The following CMTM1 variants were observed in gnomAD, a reference collection of about 807,000 sequenced individuals.
CMTM1 encodes CKLF-like MARVEL transmembrane domain-containing protein 1.
Under a neutral mutation model 17.8 loss-of-function variants are expected in CMTM1, and 16 were observed. The ratio of observed to expected loss-of-function variants is 0.90; its 90% CI spans 0.61 to 1.37. The LOEUF (loss-of-function observed/expected upper bound fraction) is 1.37. CMTM1 is among the 40% of genes most tolerant of loss of function. The pLI, the probability that CMTM1 is intolerant of heterozygous loss-of-function variation, is 0.00. For synonymous variants in CMTM1, 169 were observed against 154.6 expected (o/e 1.09, Z -0.69); for missense variants, 354 against 375.6 (o/e 0.94, Z 0.47).
chr16:66,569,554 A>C (rs1187264959), intron 1 of CMTM1, among the ~76,000 whole-genome samples: 1 of 152,230 alleles, frequency 6.6e-6, no homozygotes, highest in African/African-American at 2.4e-5. Context: ...ATGTTGAGAT[A>C]ATCAGCAGCT....
At chr16:66,576,600 C>G (rs1210406423) in intron 2 of CMTM1, among the ~76,000 whole-genome samples, 6 of 152,128 alleles carry the variant, frequency 3.9e-5, no homozygotes, top group Non-Finnish European at 8.8e-5. Context: ...AAATGTGGCC[C>G]AATTTCCAGA....
At position 66,574,200 on chromosome 16, in the gene CMTM1, A is replaced by G. The variant is rs551659442; in HGVS notation, c.592-2904A>G. 3.3e-5 allele frequency among the ~76,000 whole-genome samples: 5 copies of G among 152,332 alleles called. No homozygotes were observed. The South Asian group carries it at 1.0e-3, about 32-fold the overall frequency. On this transcript the variant is annotated intron_variant, in intron 2 of 3. Coordinates refer to ENST00000379500, the MANE Select transcript of CMTM1 (RefSeq NM_052999.4). The stretch of plus-strand genomic sequence containing the variant: ...AGTCAATAAGGTATTTAGCGGAGAA[A>G]GAAAAATATAACAAGTAAGGATGGT...
At chr16:66,573,683 C>CTTTTTTTTT (rs954623005) in intron 2 of CMTM1, among the ~76,000 whole-genome samples, 32 of 117,634 alleles carry the variant, frequency 2.7e-4, no homozygotes, top group Admixed American at 4.5e-4. Flanking sequence ...TAACGTTTTT[C>CTTTTTTTTT]TTTTTTTTTT....
In CMTM1 at chr16:66,566,783, A is replaced by T. The variant is rs777326414; in HGVS notation, c.270A>T (p.Thr90=). The change falls in exon 1 of 4, where the codon ACA becomes ACT. Residue 90 remains threonine (T), a synonymous_variant. Transcript: ENST00000379500. The surrounding 1 kb of genome is among the most constrained non-coding windows in gnomAD (Gnocchi z 4.9). ...CCACACGCCCACCCCCAAAGCCCAC[A>T]CTCCCACCCCCCACGCCCTCTGCAC... ...KATTRPPPKP[T]LPPPTPSAHT... 1.9e-6 allele frequency: 3 copies of T among 1,611,234 alleles called. No individual in the cohort carries two copies. Among genetic ancestry groups the T allele is most frequent in the South Asian group, 2.2e-5 (2 of 90,902 alleles).
intron 2 of CMTM1, 116 bp downstream of exon 2, chr16:66,570,210 C>T: frequency 3.6e-6 from 3 of 825,508 alleles, no homozygotes; most frequent in Non-Finnish European, 5.6e-6. Context: ...CATAGCTGAG[C>T]TGTGACAGTT....
intron 1 of CMTM1, among the ~76,000 whole-genome samples, chr16:66,568,395 AGAAG>A (rs1299534750): frequency 6.6e-6 from 1 of 152,242 alleles, no homozygotes; most frequent in Non-Finnish European, 1.5e-5. Context: ...CTGATTGCCA[AGAAG>A]GGAGACCAGT....
At chr16:66,568,973 T>A (rs1463769681) in intron 1 of CMTM1, among the ~76,000 whole-genome samples, 1 of 152,046 alleles carries the variant, frequency 6.6e-6, no homozygotes. Context: ...TGGAAACAAT[T>A]TAGAGCAAGA....
intron 2 of CMTM1, chr16:66,575,325 C>A: frequency 1.6e-6 from 1 of 609,044 alleles, no homozygotes; most frequent in Non-Finnish European, 2.1e-6. Flanking sequence ...CCATTTAATC[C>A]TCAGAGCCAA....
rs948415506 is a variant in CMTM1 at position 66,566,617 on chromosome 16, G to C, written c.104G>C (p.Ser35Thr). The C allele has an allele frequency of 6.2e-7, 1 of 1,614,074 alleles. No individual in the cohort carries two copies. Among genetic ancestry groups the C allele is most frequent in the African/African-American group, 1.3e-5 (1 of 75,008 alleles). ...AALASSGSVV[S>T]SVPKAQRNIS... Reference sequence around the variant, plus strand: ...CTGGCAAGTAGCGGCAGCGTAGTGAGTTCTGTACCCAAGGCACAGCGCAAC... The same window carrying C: ...CTGGCAAGTAGCGGCAGCGTAGTGACTTCTGTACCCAAGGCACAGCGCAAC... Residue 35 changes from serine to threonine, a missense_variant, in exon 1 of 4, where the codon AGT (serine) becomes ACT (threonine). Ser to Thr is a moderately conservative substitution (Grantham distance 58, BLOSUM62 1). Coordinates refer to ENST00000379500, the MANE Select transcript of CMTM1 (RefSeq NM_052999.4). This position sits in a 1 kb window ranked among gnomAD's most constrained non-coding sequence, Gnocchi z 4.9.
intron 2 of CMTM1, among the ~76,000 whole-genome samples, chr16:66,574,743 G>A (rs926894130): frequency 2.6e-5 from 4 of 152,180 alleles, no homozygotes; most frequent in South Asian, 2.1e-4. Flanking sequence ...AATGATGTGC[G>A]TTTGTTCAAA....
intron 3 of CMTM1, 103 bp downstream of exon 3, chr16:66,577,305 C>A: frequency 1.3e-6 from 1 of 799,436 alleles, no homozygotes; most frequent in Non-Finnish European, 2.0e-6. Context: ...AAAATCCCCA[C>A]TGCCACCCAC....
chr16:66,569,070 G>T (rs879260999), intron 1 of CMTM1, among the ~76,000 whole-genome samples: 1 of 152,138 alleles, frequency 6.6e-6, no homozygotes, highest in East Asian at 1.9e-4. Flanking sequence ...AAATATTTCT[G>T]TTTACAACAG....
chr16:66,579,073 A>C lies in CMTM1; in HGVS notation c.*72A>C, dbSNP rs2014636385. The C allele has an allele frequency of 1.3e-6, 2 of 1,562,904 alleles. No homozygotes were observed. Among genetic ancestry groups the C allele is most frequent in the African/African-American group, 2.7e-5 (2 of 73,824 alleles). ...CCTCCGAGCCCACCCCCGAGCTCGC[A>C]TGCTGTCACCCATTCCAGCCTAAAT... On this transcript the variant is annotated 3_prime_UTR_variant, in exon 4 of 4. Transcript: ENST00000379500. This position sits in a 1 kb window ranked among gnomAD's most constrained non-coding sequence, Gnocchi z 6.5.
At chr16:66,573,755 C>T (rs1469895964) in intron 2 of CMTM1, among the ~76,000 whole-genome samples, 1 of 143,822 alleles carries the variant, frequency 7.0e-6, no homozygotes, top group East Asian at 2.1e-4. Context: ...GGCACGATCT[C>T]GGCTCACTGC....
At chr16:66,571,909 G>T (rs767704716) in intron 2 of CMTM1, among the ~76,000 whole-genome samples, 8 of 152,216 alleles carry the variant, frequency 5.3e-5, no homozygotes, top group Admixed American at 1.3e-4. Flanking sequence ...AGCATGAACC[G>T]TGAGTGTCCT....
rs539321506 is a variant in CMTM1 at position 66,578,958 on chromosome 16, C to T, written c.818C>T (p.Ala273Val). The T allele has an allele frequency of 1.9e-6, 3 of 1,614,118 alleles. No individual in the cohort carries two copies. The highest frequency in any genetic ancestry group is 2.2e-5 in the East Asian group (1 of 44,872). The part of the protein sequence containing the change: ...VERKLSPAKD[A>V]YPETGPDAPQ... ...AGGAAGCTTTCCCCCGCCAAGGACG[C>T]CTACCCCGAAACCGGCCCCGACGCC... Residue 273 changes from alanine (A) to valine (V), a missense_variant, in exon 4 of 4, where the codon GCC becomes GTC. By Grantham distance (64) the Ala-to-Val change is moderately conservative. Coordinates refer to ENST00000379500, the MANE Select transcript of CMTM1 (RefSeq NM_052999.4).
chr16:66,578,763 G>T, intron 3 of CMTM1, 68 bp from the exon 4 acceptor site: 1 of 1,579,242 alleles, frequency 6.3e-7, no homozygotes, highest in East Asian at 2.3e-5. Context: ...GGATAGGTTC[G>T]AGAGGTTGCT....
chr16:66,569,388 G>C (rs2013141226), intron 1 of CMTM1, among the ~76,000 whole-genome samples: 1 of 152,194 alleles, frequency 6.6e-6, no homozygotes, highest in Admixed American at 6.5e-5. Context: ...ACTCAGTATA[G>C]AGTGAATTGT....
rs1261754899 is a variant in CMTM1, at chr16:66,566,532, A to C, written c.19A>C (p.Lys7Gln). The stretch of plus-strand genomic sequence containing the variant: ...ACCCACCATGGATCCTGAACACGCC[A>C]AACCTGAGTCATCCGAGGCACCTTC... MDPEHA[K>Q]PESSEAPSGN... The change falls in exon 1 of 4, where the codon AAA (lysine) becomes CAA (glutamine). Residue 7 changes from lysine to glutamine, a missense_variant. Coordinates refer to ENST00000379500, the MANE Select transcript of CMTM1 (RefSeq NM_052999.4). This position sits in a 1 kb window ranked among gnomAD's most constrained non-coding sequence, Gnocchi z 4.9. 6.2e-7 allele frequency: 1 copy of C among 1,611,492 alleles called. No individual in the cohort carries two copies. Among genetic ancestry groups the C allele is most frequent in the Admixed American group, 1.7e-5 (1 of 59,840 alleles).
Sources: gnomAD v4.1 joint callset for allele counts (sites outside exome capture counted in the v4.1 genomes callset) on GRCh38, gnomAD v4.1.1 for gene constraint, Gnocchi (gnomAD v3.1) non-coding constraint, MANE v1.5 for transcripts, NCBI Gene and HGNC (gene_info 2026-07-23, HGNC 2026-07-21) for gene names.